Variants in CDH12 observed in about 807,000 individuals in gnomAD.
CDH12 encodes the protein cadherin-12.
A neutral mutation model predicts 74.1 loss-of-function variants in CDH12; 41 were observed. The observed-to-expected ratio is 0.55, with a 90% CI of 0.43 to 0.72. The LOEUF (loss-of-function observed/expected upper bound fraction) is 0.72. Among genes scored for constraint, CDH12 ranks in the 30% least tolerant of loss-of-function variants. The probability of loss-of-function intolerance (pLI) is 0.00; values close to 1 mark genes in which losing one functional copy is unlikely to be tolerated. For synonymous variants in CDH12, 399 were observed against 355.0 expected, an observed-to-expected ratio of 1.12 and a Z score of -1.39; for missense variants, 945 against 977.2, an observed-to-expected ratio of 0.97 and a Z score of 0.44.
intron 3 of CDH12, among the ~76,000 whole-genome samples, chr5:22,337,925 G>A (rs1441502027): frequency 1.3e-5 from 2 of 152,282 alleles, no homozygotes; most frequent in African/African-American, 2.4e-5. Context: ...AATAACAAAT[G>A]CTTGTGAGGG....
At chr5:22,375,278 T>C (rs1277912329) in intron 3 of CDH12, among the ~76,000 whole-genome samples, 2 of 152,078 alleles carry the variant, frequency 1.3e-5, no homozygotes, top group Non-Finnish European at 2.9e-5. Context: ...TCTCTCCCCA[T>C]ACATAAAATT....
At chr5:22,084,728 A>T (rs1203432887) in intron 4 of CDH12, among the ~76,000 whole-genome samples, 1 of 152,086 alleles carries the variant, frequency 6.6e-6, no homozygotes, top group Non-Finnish European at 1.5e-5. Flanking sequence ...GACTCTGGCC[A>T]CGGTTGTCAG....
chr5:22,563,395 T>C (rs1469718211), intron 1 of CDH12, among the ~76,000 whole-genome samples: 1 of 152,182 alleles, frequency 6.6e-6, no homozygotes, highest in Non-Finnish European at 1.5e-5. Flanking sequence ...GAAATGTCTA[T>C]GCAGCTTTTT....
intron 1 of CDH12, among the ~76,000 whole-genome samples, chr5:22,557,138 T>C (rs1024272384): frequency 9.9e-5 from 15 of 152,130 alleles, no homozygotes; most frequent in African/African-American, 3.1e-4. Context: ...ACTTGCCCAC[T>C]ATAATTTTTC....
At chr5:22,058,308 C>T (rs1011349472) in intron 5 of CDH12, among the ~76,000 whole-genome samples, 7 of 152,246 alleles carry the variant, frequency 4.6e-5, no homozygotes, top group Middle Eastern at 3.4e-3. Context: ...CTGTCTGCCT[C>T]GGCCTCCCAA....
chr5:22,776,221 G>A (rs1747094885), intron 1 of CDH12, among the ~76,000 whole-genome samples: 1 of 152,002 alleles, frequency 6.6e-6, no homozygotes, highest in African/African-American at 2.4e-5. Flanking sequence ...TAGTAAACTT[G>A]CACACCCACC....
chr5:22,043,622 C>T (rs941852237), intron 5 of CDH12, among the ~76,000 whole-genome samples: 2 of 147,558 alleles, frequency 1.4e-5, no homozygotes, highest in African/African-American at 5.3e-5. Context: ...AAATAAAAAG[C>T]ATCCAAATAG....
intron 3 of CDH12, among the ~76,000 whole-genome samples, chr5:22,226,752 C>T (rs1027943628): frequency 2.0e-5 from 3 of 152,124 alleles, no homozygotes; most frequent in Non-Finnish European, 4.4e-5. Flanking sequence ...ATGCAGAACA[C>T]ATTTTCTTTC....
intron 2 of CDH12, among the ~76,000 whole-genome samples, chr5:22,425,444 G>A (rs1209573957): frequency 6.6e-6 from 1 of 151,290 alleles, no homozygotes; most frequent in East Asian, 1.9e-4. Context: ...GGCAGTTCCT[G>A]TAGCACAGCG....
chr5:22,689,706 T>A (rs1280417497), intron 1 of CDH12, among the ~76,000 whole-genome samples: 4 of 152,144 alleles, frequency 2.6e-5, no homozygotes, highest in African/African-American at 9.6e-5. Flanking sequence ...AGTTTTTAAA[T>A]ATTCATTTTG....
chr5:22,242,631 G>T (rs903498248), intron 3 of CDH12, among the ~76,000 whole-genome samples: 1 of 152,046 alleles, frequency 6.6e-6, no homozygotes. Flanking sequence ...GGAAGCACTG[G>T]GGGGCTTAGG....
At chr5:22,262,915 A>T (rs1753574630) in intron 3 of CDH12, among the ~76,000 whole-genome samples, 1 of 151,914 alleles carries the variant, frequency 6.6e-6, no homozygotes, top group Non-Finnish European at 1.5e-5. Flanking sequence ...ACAAAATGGG[A>T]GAAAATTTTC....
chr5:22,301,690 G>T (rs768843824), intron 3 of CDH12, among the ~76,000 whole-genome samples: 3 of 151,472 alleles, frequency 2.0e-5, no homozygotes, highest in African/African-American at 7.3e-5. Flanking sequence ...GGAGTGCAGC[G>T]GCTTGATCTT....
At chr5:22,503,772 T>G (rs780815666) in intron 2 of CDH12, among the ~76,000 whole-genome samples, 3 of 152,034 alleles carry the variant, frequency 2.0e-5, no homozygotes. Flanking sequence ...GGAGTATGAG[T>G]CTCTTCTCAT....
chr5:22,622,402 C>A (rs1209622102), intron 1 of CDH12, among the ~76,000 whole-genome samples: 4 of 152,044 alleles, frequency 2.6e-5, no homozygotes, highest in Non-Finnish European at 1.5e-5. Context: ...AAGCTGGGAA[C>A]CCTGCACAGG....
chr5:21,990,946 A>AG (rs1757718372), intron 5 of CDH12, among the ~76,000 whole-genome samples: 1 of 151,516 alleles, frequency 6.6e-6, no homozygotes, highest in Admixed American at 6.6e-5. Flanking sequence ...AAAAAAAAAA[A>AG]ACTTTTGAAA....
intron 3 of CDH12, among the ~76,000 whole-genome samples, chr5:22,311,443 A>C (rs2150428709): frequency 6.6e-6 from 1 of 152,192 alleles, no homozygotes; most frequent in East Asian, 1.9e-4. Context: ...GGTGGCTCAC[A>C]CCTGTAATCC....
At chr5:22,215,817 G>A (rs138555312) in intron 3 of CDH12, among the ~76,000 whole-genome samples, 2,214 of 152,078 alleles carry the variant, frequency 0.015, 67 homozygotes, top group African/African-American at 0.05. Context: ...ATTTCATATG[G>A]CTCTTTGAAA....
intron 3 of CDH12, among the ~76,000 whole-genome samples, chr5:22,238,707 T>G (rs1289486657): frequency 6.6e-6 from 1 of 152,222 alleles, no homozygotes; most frequent in Non-Finnish European, 1.5e-5. Context: ...CAAGCCCAAG[T>G]TCTCCAGGAG....
Sources: allele counts gnomAD v4.1 joint callset (sites outside exome capture counted in the v4.1 genomes callset), GRCh38; gene constraint gnomAD v4.1.1; transcripts MANE v1.5; gene names NCBI Gene and HGNC (gene_info 2026-07-23, HGNC 2026-07-21).